Variants in FNDC3B observed in about 807,000 individuals in gnomAD.
FNDC3B encodes the protein fibronectin type III domain-containing protein 3B.
FNDC3B carries 12 observed loss-of-function variants against 151.5 expected under a neutral mutation model. The observed-to-expected ratio is 0.08, with a 90% CI of 0.05 to 0.13. FNDC3B has a LOEUF of 0.13. Among genes scored for constraint, FNDC3B ranks in the 10% least tolerant of loss-of-function variants. The pLI, the probability that FNDC3B is intolerant of heterozygous loss-of-function variation, is 1.00. For missense variants in FNDC3B, 1,214 were observed against 1,505.3 expected (o/e 0.81, Z 3.20); for synonymous variants, 528 against 549.0 (o/e 0.96, Z 0.54).
chr3:172,307,577 C>A, intron 10 of FNDC3B, 76 bp downstream of exon 10: 1 of 1,482,874 alleles, frequency 6.7e-7, no homozygotes, highest in East Asian at 2.3e-5. Context: ...TTCCTAGTCC[C>A]AGCTACCTGG....
Position 172,370,218 on chromosome 3 carries a change from G to C in FNDC3B, c.3008+7373G>C, listed in dbSNP as rs542831229. ...CTCTTATTTTCCATCATAAATTTAA[G>C]TTATAGGCCAGTTAGAGCATTCTTG... On this transcript the variant is annotated intron_variant, in intron 23 of 25. Transcript: ENST00000415807. Among the ~76,000 whole-genome samples, 4 of 152,100 alleles carry C rather than the reference G, an allele frequency of 2.6e-5. No homozygotes were observed. The South Asian group carries it at 8.3e-4, about 32-fold the overall frequency.
At chr3:172,209,620 C>T (rs147742077) in intron 3 of FNDC3B, among the ~76,000 whole-genome samples, 171 of 152,312 alleles carry the variant, frequency 1.1e-3, no homozygotes, top group African/African-American at 2.1e-3. Context: ...TCCGATTATC[C>T]GAAAGGCATC....
At chr3:172,131,208 A>G (rs1215708579) in intron 2 of FNDC3B, among the ~76,000 whole-genome samples, 2 of 152,140 alleles carry the variant, frequency 1.3e-5, no homozygotes, top group Non-Finnish European at 2.9e-5. Context: ...ACCAGCTTCA[A>G]CATGGAGAAA....
chr3:172,243,508 C>T (rs919062177), intron 4 of FNDC3B, among the ~76,000 whole-genome samples: 1 of 152,124 alleles, frequency 6.6e-6, no homozygotes, highest in African/African-American at 2.4e-5. Flanking sequence ...CAGGGAGACT[C>T]CTGTTTTTAA....
At chr3:172,116,759 T>C (rs1720276091) in intron 2 of FNDC3B, among the ~76,000 whole-genome samples, 1 of 152,140 alleles carries the variant, frequency 6.6e-6, no homozygotes, top group Non-Finnish European at 1.5e-5. Flanking sequence ...AGAGATGGCA[T>C]TTCACCATGT....
chr3:172,275,103 A>G (rs930462024), intron 6 of FNDC3B, among the ~76,000 whole-genome samples: 1 of 152,164 alleles, frequency 6.6e-6, no homozygotes, highest in Admixed American at 6.6e-5. Context: ...CTTGGGCTCA[A>G]TAAGCTCACT....
At chr3:172,298,699 A>G in intron 8 of FNDC3B, 29 bp from the exon 9 acceptor site, 1 of 1,556,670 alleles carries the variant, frequency 6.4e-7, no homozygotes, top group Non-Finnish European at 8.8e-7. Context: ...AACTGGAATT[A>G]GCAACTAATG....
chr3:172,062,466 C>T (rs1004967984), intron 1 of FNDC3B, among the ~76,000 whole-genome samples: 1 of 152,018 alleles, frequency 6.6e-6, no homozygotes, highest in Non-Finnish European at 1.5e-5. Context: ...TGTGTGCTAC[C>T]ACGCCTGGCT....
chr3:172,249,277 G>A (rs1727943811), intron 5 of FNDC3B, among the ~76,000 whole-genome samples: 1 of 152,240 alleles, frequency 6.6e-6, no homozygotes. Context: ...TTAGTAGGAT[G>A]CCACATGGTT....
intron 6 of FNDC3B, among the ~76,000 whole-genome samples, chr3:172,272,232 G>A (rs934089883): frequency 6.6e-6 from 1 of 152,146 alleles, no homozygotes; most frequent in South Asian, 2.1e-4. Flanking sequence ...GTATTTTGGA[G>A]TTTAAAAGTA....
intron 1 of FNDC3B, among the ~76,000 whole-genome samples, chr3:172,053,460 CCTGT>C (rs1242443675): frequency 1.3e-5 from 2 of 152,120 alleles, no homozygotes; most frequent in African/African-American, 4.8e-5. Context: ...ATGTGCTCAA[CCTGT>C]CTATTGTCTA....
intron 1 of FNDC3B, among the ~76,000 whole-genome samples, chr3:172,070,712 A>C (rs1285204741): frequency 6.6e-6 from 1 of 152,166 alleles, no homozygotes; most frequent in African/African-American, 2.4e-5. Context: ...ACATAGACAA[A>C]AGTAGAGAAT....
chr3:172,111,903 G>A lies in FNDC3B; in HGVS notation c.-28-549G>A, dbSNP rs571713200. 3.7e-4 allele frequency among the ~76,000 whole-genome samples: 56 copies of A among 152,204 alleles called. No homozygotes were observed. In the South Asian group the frequency reaches 0.011, roughly 29 times the overall value. ...AGATCATTTAAAATTGTGTGAGAGC[G>A]TGTGTGTGTATTTATATTTGTTCGT... On this transcript the variant is annotated intron_variant, in intron 1 of 25. Coordinates refer to ENST00000415807, the MANE Select transcript of FNDC3B (RefSeq NM_022763.4).
chr3:172,116,815 C>T (rs574348185), intron 2 of FNDC3B, among the ~76,000 whole-genome samples: 174 of 152,336 alleles, frequency 1.1e-3, no homozygotes, highest in African/African-American at 4.0e-3. Context: ...ATCTGCCCGC[C>T]TTGGCCTCCC....
At chr3:172,391,645 G>A (rs1736013800) in intron 25 of FNDC3B, among the ~76,000 whole-genome samples, 1 of 152,220 alleles carries the variant, frequency 6.6e-6, no homozygotes, top group Non-Finnish European at 1.5e-5. Context: ...AGGTGTATCA[G>A]AAAACCTTGC....
At chr3:172,120,032 A>G (rs1720457153) in intron 2 of FNDC3B, among the ~76,000 whole-genome samples, 1 of 152,260 alleles carries the variant, frequency 6.6e-6, no homozygotes. Context: ...CCAAAAAGGC[A>G]TAGCCTATGC....
At chr3:172,215,548 AC>A (rs1297037219) in intron 3 of FNDC3B, among the ~76,000 whole-genome samples, 3 of 152,272 alleles carry the variant, frequency 2.0e-5, no homozygotes, top group East Asian at 1.9e-4. Context: ...ACATGGTGAA[AC>A]CCTGTCTCTA....
At chr3:172,121,506 C>G (rs1452261073) in intron 2 of FNDC3B, among the ~76,000 whole-genome samples, 3 of 152,178 alleles carry the variant, frequency 2.0e-5, no homozygotes, top group Non-Finnish European at 4.4e-5. Context: ...CCAAAAGAAA[C>G]AATCCTATTC....
At chr3:172,201,266 G>T (rs760034569) in intron 3 of FNDC3B, among the ~76,000 whole-genome samples, 7 of 152,176 alleles carry the variant, frequency 4.6e-5, no homozygotes, top group Non-Finnish European at 1.0e-4. Flanking sequence ...CAGCCCCAGT[G>T]GGGGAAGCGC....
Sources: allele counts gnomAD v4.1 joint callset (sites outside exome capture counted in the v4.1 genomes callset), GRCh38; gene constraint gnomAD v4.1.1; transcripts MANE v1.5; gene names NCBI Gene and HGNC (gene_info 2026-07-23, HGNC 2026-07-21).